HSPA12A: variants seen among roughly 807,000 people sequenced by gnomAD.
HSPA12A encodes heat shock 70 kDa protein 12A.
Under a neutral mutation model 69.2 loss-of-function variants are expected in HSPA12A, and 28 were observed. The ratio of observed to expected loss-of-function variants is 0.40; its 90% confidence interval spans 0.30 to 0.55. The LOEUF is 0.55. Among genes scored for constraint, HSPA12A ranks in the 20% least tolerant of loss-of-function variants. The probability of loss-of-function intolerance (pLI) is 0.38; values close to 1 mark genes in which losing one functional copy is unlikely to be tolerated. For synonymous variants in HSPA12A, 345 were observed against 370.5 expected, an observed-to-expected ratio of 0.93 and a Z score of 0.79; for missense variants, 686 against 900.7, an observed-to-expected ratio of 0.76 and a Z score of 3.05.
At chr10:116,836,441 T>G (rs1289506531) in intron 1 of HSPA12A, among the ~76,000 whole-genome samples, 1 of 152,202 alleles carries the variant, frequency 6.6e-6, no homozygotes, top group Non-Finnish European at 1.5e-5. Context: ...TCTCCCACTC[T>G]CTTTCTCTCT....
intron 1 of HSPA12A, among the ~76,000 whole-genome samples, chr10:116,716,509 G>C (rs1311831495): frequency 6.6e-6 from 1 of 152,140 alleles, no homozygotes; most frequent in Non-Finnish European, 1.5e-5. Flanking sequence ...TTGGGGACAA[G>C]GGCACTGGGT....
At chr10:116,700,536 G>A (rs1012953129) in intron 4 of HSPA12A, among the ~76,000 whole-genome samples, 3 of 152,224 alleles carry the variant, frequency 2.0e-5, no homozygotes, top group Admixed American at 6.5e-5. Flanking sequence ...ACTGCCCTGA[G>A]CTCGCCATGT....
intron 5 of HSPA12A, among the ~76,000 whole-genome samples, chr10:116,693,462 C>A (rs1210233801): frequency 6.6e-6 from 1 of 152,180 alleles, no homozygotes; most frequent in Non-Finnish European, 1.5e-5. Flanking sequence ...AATGAAAACA[C>A]ATGAGGGAAT....
intron 2 of HSPA12A, chr10:116,828,999 T>C (rs1179464812): frequency 6.6e-6 from 1 of 152,180 alleles, no homozygotes; most frequent in South Asian, 2.1e-4. Context: ...TGTCAGAATG[T>C]TGCATTTTTA....
chr10:116,716,788 C>T (rs1850620371), intron 1 of HSPA12A, among the ~76,000 whole-genome samples: 1 of 152,118 alleles, frequency 6.6e-6, no homozygotes, highest in South Asian at 2.1e-4. Flanking sequence ...GCCCCCTTCT[C>T]CCTCCATGAA....
chr10:116,731,424 G>A (rs1373824572), intron 1 of HSPA12A, among the ~76,000 whole-genome samples: 4 of 152,138 alleles, frequency 2.6e-5, no homozygotes, highest in East Asian at 1.9e-4. Context: ...CTGCCAGACC[G>A]GATGACCACG....
chr10:116,690,293 C>T (rs1849699835), intron 6 of HSPA12A, among the ~76,000 whole-genome samples: 1 of 152,156 alleles, frequency 6.6e-6, no homozygotes, highest in Non-Finnish European at 1.5e-5. Context: ...CTGGGAGCAA[C>T]CCAGGGGCCA....
chr10:116,759,541 A>T (rs1554889109), intron 2 of HSPA12A, among the ~76,000 whole-genome samples: 2 of 152,192 alleles, frequency 1.3e-5, no homozygotes, highest in African/African-American at 4.8e-5. Context: ...CTTACCTCTG[A>T]GCTGGGGACA....
intron 2 of HSPA12A, chr10:116,750,247 C>T (rs1851745087): frequency 2.5e-6 from 2 of 799,542 alleles, no homozygotes; most frequent in South Asian, 2.7e-5. Flanking sequence ...CTGGCATGGG[C>T]AAGATCTATG....
chr10:116,678,405 C>G (rs1384364435), intron 10 of HSPA12A, among the ~76,000 whole-genome samples: 1 of 135,092 alleles, frequency 7.4e-6, no homozygotes, highest in African/African-American at 2.8e-5. Flanking sequence ...TGTAACACCA[C>G]GGACGTGAGA....
At chr10:116,754,366 T>C (rs534574738) in intron 2 of HSPA12A, among the ~76,000 whole-genome samples, 48 of 152,360 alleles carry the variant, frequency 3.2e-4, no homozygotes, top group Non-Finnish European at 4.9e-4. Context: ...GATTTGTTAT[T>C]TTCTACGTTT....
At chr10:116,849,870 G>A, upstream of HSPA12A, 1 of 977,694 alleles carries the variant, frequency 1.0e-6, no homozygotes. Context: ...GTGTGCGGAG[G>A]AGACTTCTGG....
chr10:116,801,179 C>T (rs925274027), intron 2 of HSPA12A, among the ~76,000 whole-genome samples: 1 of 152,168 alleles, frequency 6.6e-6, no homozygotes, highest in African/African-American at 2.4e-5. Flanking sequence ...CCAGAACAAA[C>T]ATGTGCATAA....
intron 6 of HSPA12A, among the ~76,000 whole-genome samples, chr10:116,685,167 T>C (rs1277926459): frequency 6.6e-6 from 1 of 152,192 alleles, no homozygotes; most frequent in Non-Finnish European, 1.5e-5. Flanking sequence ...CCTCAAGTTC[T>C]GTATCAGACC....
Position 116,691,832 on chromosome 10 carries a change from A to AC in HSPA12A, c.663+518dup, listed in dbSNP as rs1328795388. 5.3e-5 allele frequency among the ~76,000 whole-genome samples: 8 copies of AC among 150,526 alleles called. No individual in the cohort carries two copies. In the East Asian group the frequency reaches 5.9e-4, roughly 11 times the overall value. ...TCTGCAGGGGTCTGCCACCTCCAAC[A>AC]CCCCCCCGCTGAGTGAAGTGTGCAG... On this transcript the variant is annotated intron_variant, in intron 6 of 11. Transcript: ENST00000369209.
At chr10:116,683,559 C>T (rs1849480541) in intron 7 of HSPA12A, 2 of 379,274 alleles carry the variant, frequency 5.3e-6, no homozygotes, top group Admixed American at 8.5e-5. Flanking sequence ...AGCTCCCCGC[C>T]CCCAGACACT....
chr10:116,803,187 G>A (rs1844996033), intron 2 of HSPA12A, among the ~76,000 whole-genome samples: 1 of 152,254 alleles, frequency 6.6e-6, no homozygotes, highest in Non-Finnish European at 1.5e-5. Flanking sequence ...GGTATGCTGT[G>A]TGCAAAACAT....
At chr10:116,752,144 G>A (rs999031010) in intron 2 of HSPA12A, among the ~76,000 whole-genome samples, 2 of 152,202 alleles carry the variant, frequency 1.3e-5, no homozygotes, top group Admixed American at 6.5e-5. Context: ...GACGTTGGGG[G>A]TGGTGAGGTC....
rs558888605 is a variant in HSPA12A at position 116,681,863 on chromosome 10, G to C, written c.850C>G (p.Arg284Gly). The change falls in exon 8 of 12, where the codon CGG becomes GGG. Residue 284 changes from arginine (R) to glycine (G), a missense_variant. Coordinates refer to ENST00000369209, the MANE Select transcript of HSPA12A (RefSeq NM_025015.3). ...AGFTQAKEHI[R>G]RNRQSRTFLV... The stretch of plus-strand genomic sequence containing the variant: ...AAGGTCCGACTCTGCCGATTACGCC[G>C]TATGTGTTCCTTAGCTAGTGGCCGA... 2 of 1,613,992 alleles carry C rather than the reference G, an allele frequency of 1.2e-6. No individual in the cohort carries two copies. Among genetic ancestry groups the C allele is most frequent in the Admixed American group, 1.7e-5 (1 of 60,006 alleles).
Sources: allele counts gnomAD v4.1 joint callset (sites outside exome capture counted in the v4.1 genomes callset), GRCh38; gene constraint gnomAD v4.1.1; transcripts MANE v1.5; gene names NCBI Gene and HGNC (gene_info 2026-07-23, HGNC 2026-07-21).